Variants in ATP2C1 observed in about 807,000 individuals in gnomAD.
The protein encoded by ATP2C1 is calcium-transporting ATPase type 2C member 1.
In ATP2C1, 31 loss-of-function variants were observed where a neutral mutation model predicts 120.5. That is an observed-to-expected ratio of 0.26 (90% confidence interval 0.19 to 0.35). The LOEUF (loss-of-function observed/expected upper bound fraction) is 0.35, where lower values mean the gene tolerates loss of function less well. Ranked by LOEUF, ATP2C1 falls within the 10% of genes least tolerant of loss-of-function variation. The probability of loss-of-function intolerance (pLI) is 1.00; values close to 1 mark genes in which losing one functional copy is unlikely to be tolerated. For missense variants in ATP2C1, 731 were observed against 1,107.5 expected (o/e 0.66, Z 4.83); for synonymous variants, 351 against 358.7 (o/e 0.98, Z 0.24).
chr3:130,990,389 C>T (rs2062272107), intron 20 of ATP2C1, among the ~76,000 whole-genome samples: 1 of 149,988 alleles, frequency 6.7e-6, no homozygotes, highest in Admixed American at 6.7e-5. Flanking sequence ...AGAAGAGGGA[C>T]CCATGTTATA....
At chr3:130,962,117 G>GC (rs2060847745) in intron 12 of ATP2C1, among the ~76,000 whole-genome samples, 1 of 152,004 alleles carries the variant, frequency 6.6e-6, no homozygotes, top group African/African-American at 2.4e-5. Flanking sequence ...CTTTTATGAT[G>GC]CTTGTTTATC....
intron 2 of ATP2C1, among the ~76,000 whole-genome samples, chr3:130,925,427 C>T (rs972317900): frequency 7.2e-5 from 11 of 152,138 alleles, no homozygotes; most frequent in Non-Finnish European, 1.2e-4. Context: ...TGATGTGATC[C>T]GTTTTCAGGT....
intron 2 of ATP2C1, among the ~76,000 whole-genome samples, chr3:130,924,281 C>G (rs752176772): frequency 6.6e-6 from 1 of 151,960 alleles, no homozygotes; most frequent in African/African-American, 2.4e-5. Flanking sequence ...GTGGCAAATT[C>G]TCCCAGCATT....
rs376747422 is a variant in ATP2C1 at position 130,995,999 on chromosome 3, T to C, written c.2058-44T>C. ...GTGTTTTAGTATAGATACATTTTTG[T>C]ATGATAATATTTTCTCACTTCATCT... On this transcript the variant is annotated intron_variant, in intron 22 of 27. Transcript: ENST00000510168. 80 of 1,227,596 alleles carry C rather than the reference T, an allele frequency of 6.5e-5. No homozygotes were observed. In the African/African-American group the frequency reaches 1.1e-3, roughly 17 times the overall value. 76.0% of individuals were successfully genotyped at this position (1,227,596 alleles called of 1,614,324 possible). A position where few individuals can be genotyped will look rare whatever the true frequency, so the allele number is the denominator to read the frequency against.
At chr3:131,000,742 T>C (rs2062843767) in intron 27 of ATP2C1, among the ~76,000 whole-genome samples, 1 of 152,212 alleles carries the variant, frequency 6.6e-6, no homozygotes, top group South Asian at 2.1e-4. Flanking sequence ...TATCTTTTTT[T>C]CTTTTCTTAT....
In ATP2C1 at chr3:130,979,382, G is replaced by T. The variant is rs1308690919; in HGVS notation, c.1704G>T (p.Met568Ile). Residue 568 changes from methionine (M) to isoleucine (I), a missense_variant, in exon 19 of 28, where the codon ATG (methionine) becomes ATT (isoleucine). This residue lies in a region of ATP2C1 where 571 missense variants were observed against 845.9 expected (regional missense o/e 0.67). Coordinates refer to ENST00000510168, the MANE Select transcript of ATP2C1 (RefSeq NM_001378687.1). ...TTGCCTCAGGAGTATCAATAAAAATGATTACTGGAGATTCACAGGAGACTG... is the reference window on the plus strand; with the variant it reads ...TTGCCTCAGGAGTATCAATAAAAATTATTACTGGAGATTCACAGGAGACTG... ...TLIASGVSIK[M>I]ITGDSQETAV... is the part of the protein sequence containing the mutation. The T allele has an allele frequency of 6.2e-7, 1 of 1,613,594 alleles. No individual in the cohort carries two copies. Among genetic ancestry groups the T allele is most frequent in the South Asian group, 1.1e-5 (1 of 91,052 alleles).
chr3:130,855,036 C>T (rs2067792025), intron 1 of ATP2C1, among the ~76,000 whole-genome samples: 1 of 152,188 alleles, frequency 6.6e-6, no homozygotes, highest in Non-Finnish European at 1.5e-5. Flanking sequence ...TGGCACCTCT[C>T]TTTTTCCCTT....
intron 1 of ATP2C1, among the ~76,000 whole-genome samples, chr3:130,855,618 G>A (rs964345205): frequency 4.6e-5 from 7 of 152,188 alleles, no homozygotes; most frequent in East Asian, 1.9e-4. Context: ...AATTTGGTTC[G>A]CTTGACTCTC....
chr3:130,974,396 G>A (rs977244005), intron 17 of ATP2C1, among the ~76,000 whole-genome samples: 10 of 152,188 alleles, frequency 6.6e-5, no homozygotes, highest in African/African-American at 2.4e-4. Context: ...TCACAGCAGG[G>A]GTAGAAGAAT....
chr3:130,866,499 A>G (rs1387208965), intron 1 of ATP2C1, among the ~76,000 whole-genome samples: 1 of 152,220 alleles, frequency 6.6e-6, no homozygotes, highest in Non-Finnish European at 1.5e-5. Context: ...CACCTAGTCA[A>G]AGAAGCATTG....
At chr3:130,897,274 C>T (rs1270241529) in intron 2 of ATP2C1, among the ~76,000 whole-genome samples, 1 of 152,120 alleles carries the variant, frequency 6.6e-6, no homozygotes, top group Admixed American at 6.6e-5. Flanking sequence ...ACCAAGAAGC[C>T]AGGGTCCAGT....
chr3:130,998,471 G>C, intron 26 of ATP2C1, 82 bp downstream of exon 26: 1 of 1,069,668 alleles, frequency 9.3e-7, no homozygotes, highest in Non-Finnish European at 1.4e-6. Flanking sequence ...AAAGATTATG[G>C]GTTTTTAGCT....
intron 2 of ATP2C1, among the ~76,000 whole-genome samples, chr3:130,895,605 A>G (rs2069549416): frequency 6.6e-6 from 1 of 152,112 alleles, no homozygotes; most frequent in African/African-American, 2.4e-5. Context: ...GCTGCAAAAT[A>G]CTATAAAAGA....
chr3:130,917,871 T>G (rs1368507148), intron 2 of ATP2C1, among the ~76,000 whole-genome samples: 1 of 152,186 alleles, frequency 6.6e-6, no homozygotes, highest in South Asian at 2.1e-4. Flanking sequence ...TTGTATTATT[T>G]TAGATAGTGG....
In ATP2C1 at chr3:130,965,082, A is replaced by T. The variant is rs371504953; in HGVS notation, c.1122+37A>T. ...GTTTTTAAAAACAAACAAAAACAGTATCCCTTTAAGAAACTTGGTGTTTAA... is the reference window on the plus strand; with the variant it reads ...GTTTTTAAAAACAAACAAAAACAGTTTCCCTTTAAGAAACTTGGTGTTTAA... On this transcript the variant is annotated intron_variant, in intron 14 of 27. Coordinates refer to ENST00000510168, the MANE Select transcript of ATP2C1 (RefSeq NM_001378687.1). 1.1e-5 allele frequency: 16 copies of T among 1,458,134 alleles called. No individual in the cohort carries two copies. The African/African-American group carries it at 2.2e-4, about 20-fold the overall frequency. 90.3% of individuals were successfully genotyped at this position (1,458,134 alleles called of 1,614,324 possible).
chr3:130,914,441 T>C (rs1299585889), intron 2 of ATP2C1: 1 of 152,196 alleles, frequency 6.6e-6, no homozygotes, highest in Non-Finnish European at 1.5e-5. Context: ...CTCAACTGCC[T>C]TCAGACCAGC....
chr3:130,940,987 T>G (rs1175665391), intron 7 of ATP2C1, among the ~76,000 whole-genome samples: 1 of 136,684 alleles, frequency 7.3e-6, no homozygotes, highest in Non-Finnish European at 1.6e-5. Context: ...CAATCTCGGC[T>G]CACTGCAAGC....
intron 2 of ATP2C1, among the ~76,000 whole-genome samples, chr3:130,920,990 T>G (rs2058931973): frequency 6.6e-6 from 1 of 152,140 alleles, no homozygotes. Context: ...ACATTACTGA[T>G]TTTTATATGT....
At chr3:130,982,072 A>C (rs1411499457) in intron 20 of ATP2C1, among the ~76,000 whole-genome samples, 1 of 151,922 alleles carries the variant, frequency 6.6e-6, no homozygotes, top group Non-Finnish European at 1.5e-5. Flanking sequence ...TATGCTTTTG[A>C]TATCTCAGAA....
Sources: allele counts gnomAD v4.1 joint callset (sites outside exome capture counted in the v4.1 genomes callset), GRCh38; gene constraint gnomAD v4.1.1; regional missense constraint gnomAD v4.1.1; transcripts MANE v1.5; gene names NCBI Gene and HGNC (gene_info 2026-07-23, HGNC 2026-07-21).